Variants in DESI2 observed in about 807,000 individuals in gnomAD.
DESI2 encodes desumoylating isopeptidase 2.
Under a neutral mutation model 24.1 loss-of-function variants are expected in DESI2, and 10 were observed. The ratio of observed to expected loss-of-function variants is 0.41; its 90% CI spans 0.26 to 0.70. The LOEUF (loss-of-function observed/expected upper bound fraction) is 0.70. DESI2 is among the 30% of genes least tolerant of loss of function. The pLI is 0.29. For missense variants in DESI2, 122 were observed against 234.9 expected (o/e 0.52, Z 3.14); for synonymous variants, 71 against 87.7 (o/e 0.81, Z 1.06).
chr1:244,671,337 A>G (rs989935157), intron 1 of DESI2, among the ~76,000 whole-genome samples: 5 of 152,154 alleles, frequency 3.3e-5, no homozygotes, highest in Admixed American at 6.5e-5. Flanking sequence ...GTTCTGTGCC[A>G]TATTCCTCCC....
rs143887006 is a variant in DESI2 at position 244,673,989 on chromosome 1, C to CTT, written c.43-12586_43-12585dup. Among the ~76,000 whole-genome samples, 144 of 73,192 alleles carry CTT rather than the reference C, an allele frequency of 2.0e-3. 2 individuals carry two copies. Among genetic ancestry groups the CTT allele is most frequent in the African/African-American group, 7.2e-3 (138 of 19,148 alleles). The allele number at this position is 73,192 out of a possible 152,430, so 48.0% of individuals were successfully genotyped here. ...TAATAGATTTACTTTACTTCTGTCT[C>CTT]TTTTTTTTTTTTTTTTTTTTTTTGA... On this transcript the variant is annotated intron_variant, in intron 1 of 4. Coordinates refer to ENST00000302550, the MANE Select transcript of DESI2 (RefSeq NM_016076.5).
intron 1 of DESI2, chr1:244,653,583 G>A: frequency 1.9e-6 from 1 of 527,996 alleles, no homozygotes; most frequent in Non-Finnish European, 3.3e-6. Context: ...AAGCTCGGGT[G>A]GGCTTGAACC....
chr1:244,682,299 G>A (rs1191723954), intron 1 of DESI2, among the ~76,000 whole-genome samples: 1 of 152,126 alleles, frequency 6.6e-6, no homozygotes, highest in Non-Finnish European at 1.5e-5. Flanking sequence ...GCTGATGGGT[G>A]CATTTTTACA....
intron 4 of DESI2, 112 bp from the exon 5 acceptor site, chr1:244,705,444 C>G (rs1260123652): frequency 1.3e-6 from 1 of 783,676 alleles, no homozygotes; most frequent in Non-Finnish European, 2.1e-6. Flanking sequence ...GAAGGCTAGT[C>G]TGCCGTGGCT....
At chr1:244,702,424 G>A (rs1422747200) in intron 4 of DESI2, among the ~76,000 whole-genome samples, 2 of 152,160 alleles carry the variant, frequency 1.3e-5, no homozygotes, top group Admixed American at 1.3e-4. Context: ...TGAGGCAAGA[G>A]GATCGCCTGA....
chr1:244,699,661 A>G (rs1277125511), intron 4 of DESI2, among the ~76,000 whole-genome samples: 1 of 151,330 alleles, frequency 6.6e-6, no homozygotes, highest in African/African-American at 2.4e-5. Context: ...CCTTCCAGAC[A>G]AAAGGTCTGG....
Position 244,707,919 on chromosome 1 carries a change from G to T in DESI2, c.*2130G>T, listed in dbSNP as rs1677774577. On this transcript the variant is annotated 3_prime_UTR_variant, in exon 5 of 5. Coordinates refer to ENST00000302550, the MANE Select transcript of DESI2 (RefSeq NM_016076.5). ...GTTCTAGTAGAAATAGTGTCCTAAG[G>T]CCAATTACCTACCATACTAACAATC... 6.6e-6 allele frequency: 1 copy of T among 152,174 alleles called. No homozygotes were observed. The highest frequency in any genetic ancestry group is 2.4e-5 in the African/African-American group (1 of 41,446). The allele number at this position is 152,174 out of a possible 1,614,324, so 9.4% of individuals were successfully genotyped here.
At chr1:244,674,219 G>C (rs149734032) in intron 1 of DESI2, among the ~76,000 whole-genome samples, 31 of 151,860 alleles carry the variant, frequency 2.0e-4, no homozygotes, top group African/African-American at 7.2e-4. Flanking sequence ...GGCTGGTCTC[G>C]AACTCCTCAC....
rs150961323 is a variant in DESI2 at position 244,660,493 on chromosome 1, A to C, written c.42+7138A>C. On this transcript the variant is annotated intron_variant, in intron 1 of 4. Coordinates refer to ENST00000302550, the MANE Select transcript of DESI2 (RefSeq NM_016076.5). ...ATTTTTCTTAAGATGGGATGTACTT[A>C]CACTTTCCGTTTGTTGACTGTCGAA... Among the ~76,000 whole-genome samples the C allele has an allele frequency of 7.7e-4, 117 of 152,258 alleles. 2 individuals carry two copies. The East Asian group carries it at 0.017, about 23-fold the overall frequency.
intron 1 of DESI2, 24 bp downstream of exon 1, chr1:244,653,379 C>G (rs750940041): frequency 1.9e-6 from 3 of 1,542,704 alleles, no homozygotes; most frequent in Admixed American, 2.2e-5. Flanking sequence ...CTGGCGGCCC[C>G]GAGCCCTGGC....
intron 4 of DESI2, among the ~76,000 whole-genome samples, chr1:244,696,425 G>C (rs4658650): frequency 0.82 from 125,447 of 152,160 alleles, 52,385 homozygotes; most frequent in African/African-American, 0.96. Context: ...AGTTCAAGAC[G>C]AGCTTGGGCA....
At chr1:244,681,484 G>C (rs1309702454) in intron 1 of DESI2, among the ~76,000 whole-genome samples, 5 of 151,774 alleles carry the variant, frequency 3.3e-5, no homozygotes, top group African/African-American at 1.2e-4. Flanking sequence ...TTTTGCCATG[G>C]ACCTGGGGCG....
At chr1:244,697,827 C>T (rs1418581182) in intron 4 of DESI2, among the ~76,000 whole-genome samples, 2 of 152,028 alleles carry the variant, frequency 1.3e-5, no homozygotes, top group African/African-American at 4.8e-5. Flanking sequence ...AAATGTTAAA[C>T]ATTTATGGCA....
At chr1:244,675,777 T>G (rs1302511470) in intron 1 of DESI2, among the ~76,000 whole-genome samples, 1 of 152,190 alleles carries the variant, frequency 6.6e-6, no homozygotes, top group African/African-American at 2.4e-5. Context: ...CATATGAATT[T>G]TTAAATTTGT....
intron 3 of DESI2, among the ~76,000 whole-genome samples, chr1:244,691,101 T>G (rs757648439): frequency 1.3e-5 from 2 of 152,234 alleles, no homozygotes; most frequent in Non-Finnish European, 2.9e-5. Flanking sequence ...AATTTTTGTT[T>G]GTTTAGAGAT....
At chr1:244,695,931 G>C (rs976755806) in intron 4 of DESI2, among the ~76,000 whole-genome samples, 2 of 151,974 alleles carry the variant, frequency 1.3e-5, no homozygotes, top group Non-Finnish European at 2.9e-5. Flanking sequence ...ATGCCACTAT[G>C]TACAGCTTTT....
intron 4 of DESI2, among the ~76,000 whole-genome samples, chr1:244,699,578 CAAAAAAAAAAAAAAAAAAAAAAA>C (rs559295405): frequency 0.03 from 1,990 of 66,272 alleles, 88 homozygotes; most frequent in African/African-American, 0.098. Flanking sequence ...GAGACTGTCT[CAAAAAAAAAAAAAAAAAAAAAAA>C]AAAAAAAAAA....
chr1:244,653,916 A>AC (rs775672549), intron 1 of DESI2: 16 of 471,100 alleles, frequency 3.4e-5, no homozygotes, highest in Non-Finnish European at 6.6e-5. Flanking sequence ...GTTAAAGGCA[A>AC]CCTCGTTAAA....
intron 3 of DESI2, among the ~76,000 whole-genome samples, chr1:244,690,459 A>G (rs1676984034): frequency 1.3e-5 from 2 of 152,184 alleles, no homozygotes; most frequent in Non-Finnish European, 2.9e-5. Context: ...TAATCCCAGC[A>G]CTTTGGGAGG....
Sources: allele counts gnomAD v4.1 joint callset (sites outside exome capture counted in the v4.1 genomes callset), GRCh38; gene constraint gnomAD v4.1.1; transcripts MANE v1.5; gene names NCBI Gene and HGNC (gene_info 2026-07-23, HGNC 2026-07-21).